RB1CC1: variants seen among roughly 807,000 people sequenced by gnomAD.
RB1CC1 encodes RB1 inducible coiled-coil 1.
A neutral mutation model predicts 177.5 loss-of-function variants in RB1CC1; 46 were observed. The observed-to-expected ratio is 0.26, with a 90% CI of 0.20 to 0.33. The LOEUF (loss-of-function observed/expected upper bound fraction) is 0.33, where lower values mean the gene tolerates loss of function less well. Among genes scored for constraint, RB1CC1 ranks in the 10% least tolerant of loss-of-function variants. The probability of loss-of-function intolerance (pLI) is 1.00; values close to 1 mark genes in which losing one functional copy is unlikely to be tolerated. For synonymous variants in RB1CC1, 666 were observed against 613.6 expected (o/e 1.09, Z -1.26); for missense variants, 1,703 against 1,816.3 (o/e 0.94, Z 1.13).
rs1023529431 is a variant in RB1CC1 at position 52,714,234 on chromosome 8, C to A, written c.-326G>T. On this transcript the variant is annotated 5_prime_UTR_variant, in exon 1 of 24. Coordinates refer to ENST00000025008, the MANE Select transcript of RB1CC1 (RefSeq NM_014781.5). ...CGTCCCGGGCGCCCGCCCGCCGCGG[C>A]CCCGAACTCTAGGAGGCAGGGAGGG... The A allele has an allele frequency of 4.5e-6, 1 of 224,074 alleles. No homozygotes were observed. Among genetic ancestry groups the A allele is most frequent in the African/African-American group, 2.4e-5 (1 of 41,846 alleles). The allele number at this position is 224,074 out of a possible 1,614,324, so 13.9% of individuals were successfully genotyped here.
intron 15 of RB1CC1, 26 bp from the exon 16 acceptor site, chr8:52,645,893 T>A (rs777177974): frequency 2.6e-6 from 4 of 1,563,876 alleles, no homozygotes; most frequent in South Asian, 2.4e-5. Context: ...CAGCATTAAA[T>A]TAAAAAAAAA....
intron 15 of RB1CC1, 127 bp from the exon 16 acceptor site, chr8:52,645,994 C>A (rs1329714208): frequency 2.2e-6 from 2 of 902,190 alleles, no homozygotes; most frequent in East Asian, 2.7e-5. Flanking sequence ...TCTGTGTGAA[C>A]CCTCTCTTTG....
chr8:52,713,541 G>C (rs1418806083), intron 1 of RB1CC1, among the ~76,000 whole-genome samples: 3 of 152,172 alleles, frequency 2.0e-5, no homozygotes, highest in Admixed American at 6.5e-5. Flanking sequence ...TCTGGGGTCG[G>C]GACAAAGACA....
At chr8:52,696,446 A>C (rs1166345932) in intron 1 of RB1CC1, among the ~76,000 whole-genome samples, 1 of 152,194 alleles carries the variant, frequency 6.6e-6, no homozygotes, top group Non-Finnish European at 1.5e-5. Context: ...ATATGCCATA[A>C]AGCAAGACAG....
chr8:52,657,146 A>T lies in RB1CC1; in HGVS notation c.2683T>A (p.Leu895Met). ...TCAAGGCATACTAACTCTCCCTTCA[A>T]TTTTTTAATTTTGTTTTCATTCTCT... ...TEENENKIKKLKGELVCLEEV... is the reference protein window; with the variant it reads ...TEENENKIKKMKGELVCLEEV... Residue 895 changes from leucine (L) to methionine (M), a missense_variant, in exon 15 of 24, where the codon TTG (leucine) becomes ATG (methionine). Physicochemically the swap from Leu to Met is conservative, Grantham distance 15. Coordinates refer to ENST00000025008, the MANE Select transcript of RB1CC1 (RefSeq NM_014781.5). 6.2e-7 allele frequency: 1 copy of T among 1,610,092 alleles called. No homozygotes were observed. The highest frequency in any genetic ancestry group is 1.3e-5 in the African/African-American group (1 of 74,874).
intron 15 of RB1CC1, among the ~76,000 whole-genome samples, chr8:52,651,819 T>C (rs1466447287): frequency 2.0e-5 from 3 of 152,200 alleles, no homozygotes; most frequent in Non-Finnish European, 2.9e-5. Flanking sequence ...CTCCGTGAAC[T>C]CGTGTTTTCC....
chr8:52,634,423 G>C (rs1330742540), intron 20 of RB1CC1, among the ~76,000 whole-genome samples: 1 of 151,950 alleles, frequency 6.6e-6, no homozygotes, highest in Non-Finnish European at 1.5e-5. Flanking sequence ...CTACTCGGGA[G>C]GCTAATGCAC....
rs1848176091 is a variant in RB1CC1, at chr8:52,623,341, A to G, written c.*441T>C. 4.5e-6 allele frequency: 1 copy of G among 221,796 alleles called. No homozygotes were observed. Among genetic ancestry groups the G allele is most frequent in the Admixed American group, 5.4e-5 (1 of 18,690 alleles). The allele number at this position is 221,796 out of a possible 1,614,324, so 13.7% of individuals were successfully genotyped here. A position where few individuals can be genotyped will look rare whatever the true frequency, so the allele number is the denominator to read the frequency against. On this transcript the variant is annotated 3_prime_UTR_variant, in exon 24 of 24. Coordinates refer to ENST00000025008, the MANE Select transcript of RB1CC1 (RefSeq NM_014781.5). ...TTTTAAATAGTTCTGAATAATTTAT[A>G]CATTTTATAAAGAATGTGTTAAAGA...
chr8:52,700,421 T>C (rs1194178032), intron 1 of RB1CC1, among the ~76,000 whole-genome samples: 3 of 44,730 alleles, frequency 6.7e-5, no homozygotes, highest in African/African-American at 1.7e-4. Context: ...TATGGGGGGG[T>C]GGGGTGGGGG....
intron 15 of RB1CC1, among the ~76,000 whole-genome samples, chr8:52,653,033 G>A (rs970917531): frequency 2.0e-5 from 3 of 151,878 alleles, no homozygotes; most frequent in African/African-American, 7.3e-5. Context: ...CTCCAGCCTG[G>A]GTAACAAGAG....
chr8:52,649,949 A>G (rs1428978245), intron 15 of RB1CC1, among the ~76,000 whole-genome samples: 2 of 152,246 alleles, frequency 1.3e-5, no homozygotes, highest in South Asian at 2.1e-4. Flanking sequence ...TGGACCGAAC[A>G]GTATCTACAT....
intron 21 of RB1CC1, among the ~76,000 whole-genome samples, chr8:52,629,579 C>T (rs1289611969): frequency 6.6e-6 from 1 of 152,142 alleles, no homozygotes; most frequent in African/African-American, 2.4e-5. Context: ...TCATCATGTC[C>T]TCTTCCCTCT....
intron 15 of RB1CC1, among the ~76,000 whole-genome samples, chr8:52,654,613 T>A (rs1025484791): frequency 8.5e-5 from 13 of 152,314 alleles, no homozygotes; most frequent in East Asian, 7.7e-4. Flanking sequence ...CACTTTGAGC[T>A]TGAAAAGGGC....
chr8:52,625,949 T>G (rs971933600), intron 22 of RB1CC1, among the ~76,000 whole-genome samples: 37 of 152,262 alleles, frequency 2.4e-4, no homozygotes, highest in African/African-American at 8.7e-4. Flanking sequence ...ACACGAAAGA[T>G]ATCCCAAATA....
chr8:52,698,135 C>T (rs1855615861), intron 1 of RB1CC1, among the ~76,000 whole-genome samples: 1 of 151,920 alleles, frequency 6.6e-6, no homozygotes, highest in African/African-American at 2.4e-5. Flanking sequence ...AGTATAGTGG[C>T]GGGATCACAG....
chr8:52,642,601 ACCC>A lies in RB1CC1; in HGVS notation c.4097-13_4097-11del. 6.2e-7 allele frequency: 1 copy of A among 1,610,284 alleles called. No homozygotes were observed. Among genetic ancestry groups the A allele is most frequent in the Admixed American group, 1.7e-5 (1 of 59,228 alleles). On this transcript the variant is annotated splice_polypyrimidine_tract_variant and intron_variant, in intron 17 of 23. Coordinates refer to ENST00000025008, the MANE Select transcript of RB1CC1 (RefSeq NM_014781.5). ...AGTGACTCTATCAAATCTGAAGGAC[ACCC>A]AAATTTAAAAAAGTATCATGTAATT...
At chr8:52,688,113 G>A (rs976958148) in intron 1 of RB1CC1, among the ~76,000 whole-genome samples, 1 of 152,162 alleles carries the variant, frequency 6.6e-6, no homozygotes, top group Non-Finnish European at 1.5e-5. Context: ...TGATAATTGT[G>A]TTAACTGTAC....
intron 1 of RB1CC1, among the ~76,000 whole-genome samples, chr8:52,710,858 G>C (rs1857003000): frequency 6.6e-6 from 1 of 152,068 alleles, no homozygotes; most frequent in African/African-American, 2.4e-5. Flanking sequence ...GGTATTTGCA[G>C]TAAAACAATT....
intron 1 of RB1CC1, among the ~76,000 whole-genome samples, chr8:52,698,408 C>T (rs1855650903): frequency 6.6e-6 from 1 of 151,668 alleles, no homozygotes; most frequent in Admixed American, 6.6e-5. Flanking sequence ...CCGGAAGCTC[C>T]GCCTCCCAGG....
Sources: gnomAD v4.1 joint callset for allele counts (sites outside exome capture counted in the v4.1 genomes callset) on GRCh38, gnomAD v4.1.1 for gene constraint, MANE v1.5 for transcripts, NCBI Gene and HGNC (gene_info 2026-07-23, HGNC 2026-07-21) for gene names.